CDKAL1: variants seen among roughly 807,000 people sequenced by gnomAD.
CDKAL1 encodes the protein threonylcarbamoyladenosine tRNA methylthiotransferase.
Under a neutral mutation model 68.2 loss-of-function variants are expected in CDKAL1, and 32 were observed. That is an observed-to-expected ratio of 0.47 (90% CI 0.35 to 0.63). The LOEUF (loss-of-function observed/expected upper bound fraction) is 0.63. CDKAL1 is among the 30% of genes least tolerant of loss of function. The probability of loss-of-function intolerance (pLI) is 0.00; values close to 1 mark genes in which losing one functional copy is unlikely to be tolerated. For missense variants in CDKAL1, 606 were observed against 696.7 expected, an observed-to-expected ratio of 0.87 and a Z score of 1.47; for synonymous variants, 234 against 244.3, an observed-to-expected ratio of 0.96 and a Z score of 0.39.
At chr6:20,783,474 T>G (rs1775522447) in intron 8 of CDKAL1, among the ~76,000 whole-genome samples, 1 of 152,190 alleles carries the variant, frequency 6.6e-6, no homozygotes, top group African/African-American at 2.4e-5. Context: ...TCAGTCTTCC[T>G]GAACTACTTG....
rs145893325 is a variant in CDKAL1, at chr6:20,721,725, G to GTTTTTTTTTTTTTTT, written c.372-17783_372-17769dup. On this transcript the variant is annotated intron_variant, in intron 5 of 15. Coordinates refer to ENST00000274695, the MANE Select transcript of CDKAL1 (RefSeq NM_017774.3). ...CTTCTCTGCACCCTGACCAACTTCT[G>GTTTTTTTTTTTTTTT]TTTTTTTTTTTTTTTTTTTTTTTTT... Among the ~76,000 whole-genome samples the GTTTTTTTTTTTTTTT allele has an allele frequency of 7.4e-4, 50 of 67,378 alleles. 5 individuals carry two copies. The highest frequency in any genetic ancestry group is 0.032 in the Middle Eastern group (2 of 62). 44.2% of individuals were successfully genotyped at this position (67,378 alleles called of 152,430 possible).
chr6:20,735,248 A>G (rs901306557), intron 5 of CDKAL1, among the ~76,000 whole-genome samples: 4 of 152,146 alleles, frequency 2.6e-5, no homozygotes, highest in African/African-American at 9.7e-5. Flanking sequence ...ACATGGGTGT[A>G]TTAGTTCATT....
At chr6:20,870,516 A>C (rs753764270) in intron 9 of CDKAL1, among the ~76,000 whole-genome samples, 1 of 152,200 alleles carries the variant, frequency 6.6e-6, no homozygotes, top group Non-Finnish European at 1.5e-5. Context: ...ATACACTGTG[A>C]TGATAGAAAG....
intron 4 of CDKAL1, among the ~76,000 whole-genome samples, chr6:20,637,709 T>C (rs1767971045): frequency 6.6e-6 from 1 of 152,208 alleles, no homozygotes; most frequent in Admixed American, 6.5e-5. Flanking sequence ...AAAGTTTTCC[T>C]CTTCTTTCCC....
chr6:21,001,912 C>T (rs1767445385), intron 11 of CDKAL1, among the ~76,000 whole-genome samples: 1 of 152,176 alleles, frequency 6.6e-6, no homozygotes, highest in African/African-American at 2.4e-5. Context: ...TATAAACATG[C>T]ATCCCGGGTG....
intron 4 of CDKAL1, among the ~76,000 whole-genome samples, chr6:20,565,092 T>G (rs1764407754): frequency 6.6e-6 from 1 of 152,072 alleles, no homozygotes; most frequent in South Asian, 2.1e-4. Flanking sequence ...GTTTATGACC[T>G]AGAAAGAGAA....
At chr6:20,634,020 G>C (rs1012305886) in intron 4 of CDKAL1, among the ~76,000 whole-genome samples, 5 of 152,142 alleles carry the variant, frequency 3.3e-5, no homozygotes, top group African/African-American at 1.2e-4. Context: ...TCTCTTTTAA[G>C]ATGTCTCTTT....
At chr6:20,932,974 C>G (rs1212360058) in intron 9 of CDKAL1, among the ~76,000 whole-genome samples, 1 of 152,022 alleles carries the variant, frequency 6.6e-6, no homozygotes, top group African/African-American at 2.4e-5. Context: ...ATTATTTATC[C>G]TCAGGTCAAT....
chr6:20,573,818 A>G (rs1764806005), intron 4 of CDKAL1, among the ~76,000 whole-genome samples: 1 of 152,322 alleles, frequency 6.6e-6, no homozygotes, highest in East Asian at 1.9e-4. Flanking sequence ...GATGCCGTAC[A>G]GAGATGAGCT....
intron 9 of CDKAL1, among the ~76,000 whole-genome samples, chr6:20,941,096 GAAAA>G (rs68174523): frequency 8.8e-6 from 1 of 113,584 alleles, no homozygotes; most frequent in Non-Finnish European, 2.0e-5. Flanking sequence ...ATCTCAAAAA[GAAAA>G]AAAAAAAAAA....
chr6:21,047,164 T>A (rs1770285707), intron 11 of CDKAL1, among the ~76,000 whole-genome samples: 1 of 152,052 alleles, frequency 6.6e-6, no homozygotes, highest in South Asian at 2.1e-4. Flanking sequence ...GATCCTTCCG[T>A]CTCAGCCTCA....
chr6:21,008,295 C>T (rs1225759341), intron 11 of CDKAL1, among the ~76,000 whole-genome samples: 2 of 152,048 alleles, frequency 1.3e-5, no homozygotes, highest in Non-Finnish European at 2.9e-5. Context: ...GTAATGAGAT[C>T]ATCCAGAAGG....
chr6:20,593,870 C>T lies in CDKAL1; in HGVS notation c.286+45165C>T, dbSNP rs1019609606. On this transcript the variant is annotated intron_variant, in intron 4 of 15. Coordinates refer to ENST00000274695, the MANE Select transcript of CDKAL1 (RefSeq NM_017774.3). ...TATCTGTGTCTTAGAGATTCTGGTA[C>T]GTTGTGTCTTTGTTCTCATTGGTTT... Among the ~76,000 whole-genome samples, 9 of 152,232 alleles carry T rather than the reference C, an allele frequency of 5.9e-5. 1 individual carries two copies. The highest frequency in any genetic ancestry group is 5.8e-4 in the East Asian group (3 of 5,178).
intron 9 of CDKAL1, among the ~76,000 whole-genome samples, chr6:20,950,980 A>G (rs1019554030): frequency 6.6e-5 from 10 of 151,210 alleles, no homozygotes; most frequent in Non-Finnish European, 1.5e-5. Context: ...AAAAAAAAAA[A>G]AAGAAAAGAA....
intron 9 of CDKAL1, among the ~76,000 whole-genome samples, chr6:20,902,762 C>G (rs7758155): frequency 6.6e-6 from 1 of 152,198 alleles, no homozygotes; most frequent in Admixed American, 6.5e-5. Context: ...GATAGAAAAG[C>G]GGGAGCTTTC....
intron 9 of CDKAL1, among the ~76,000 whole-genome samples, chr6:20,889,370 G>C (rs1310429979): frequency 1.3e-5 from 2 of 152,126 alleles, no homozygotes; most frequent in African/African-American, 2.4e-5. Context: ...AAGCTCTTTA[G>C]TTTAATTAGG....
At chr6:20,768,130 C>T (rs972989147) in intron 7 of CDKAL1, among the ~76,000 whole-genome samples, 3 of 152,142 alleles carry the variant, frequency 2.0e-5, no homozygotes, top group African/African-American at 4.8e-5. Flanking sequence ...GAAAAGTCAG[C>T]GCTGTGTTGG....
At chr6:20,603,768 A>ATTTTTT (rs745786047) in intron 4 of CDKAL1, among the ~76,000 whole-genome samples, 6,812 of 85,154 alleles carry the variant, frequency 0.08, 1,103 homozygotes, top group South Asian at 0.14. Flanking sequence ...CAGTTGCTAA[A>ATTTTTT]TTTTTTTTTT....
intron 2 of CDKAL1, among the ~76,000 whole-genome samples, chr6:20,536,125 A>G (rs6905138): frequency 0.17 from 24,886 of 145,384 alleles, 2,515 homozygotes; most frequent in African/African-American, 0.29. Flanking sequence ...TTTTGTAGCG[A>G]TAGGGTCCGT....
Sources: allele counts gnomAD v4.1 joint callset (sites outside exome capture counted in the v4.1 genomes callset), GRCh38; gene constraint gnomAD v4.1.1; transcripts MANE v1.5; gene names NCBI Gene and HGNC (gene_info 2026-07-23, HGNC 2026-07-21).